ZNF486: variants seen among roughly 807,000 people sequenced by gnomAD.
The protein encoded by ZNF486 is zinc finger protein 486.
Under a neutral mutation model 12.8 loss-of-function variants are expected in ZNF486, and 12 were observed. The observed-to-expected ratio is 0.94, with a 90% CI of 0.60 to 1.52. The LOEUF (loss-of-function observed/expected upper bound fraction) is 1.52. ZNF486 is among the 40% of genes most tolerant of loss of function. ZNF486 has a pLI of 0.00. For synonymous variants in ZNF486, 231 were observed against 184.9 expected, an observed-to-expected ratio of 1.25 and a Z score of -2.02; for missense variants, 738 against 545.0, an observed-to-expected ratio of 1.35 and a Z score of -3.53.
rs575001176 is a variant in ZNF486, at chr19:20,197,791, C to T, written c.1081C>T (p.Arg361Cys). 7.1e-5 allele frequency: 115 copies of T among 1,611,984 alleles called. No homozygotes were observed. The highest frequency in any genetic ancestry group is 5.4e-4 in the African/African-American group (40 of 74,374). Residue 361 changes from arginine to cysteine, a missense_variant, in exon 4 of 4, where the codon CGC (arginine) becomes TGC (cysteine). Physicochemically the swap from Arg to Cys is radical, Grantham distance 180. Transcript: ENST00000335117. Reference protein sequence around the residue: ...KCEECGKAFTRSSHLTMHKII... With the variant: ...KCEECGKAFTCSSHLTMHKII... ...TGAAGAATGTGGCAAAGCCTTCACC[C>T]GCTCCTCACACCTTACTATGCATAA...
At chr19:20,193,617 C>CA (rs1555717504) in intron 3 of ZNF486, among the ~76,000 whole-genome samples, 2 of 152,014 alleles carry the variant, frequency 1.3e-5, no homozygotes, top group East Asian at 3.9e-4. Context: ...GCCAAGGTCA[C>CA]ACCACTGTAC....
At chr19:20,173,905 T>C (rs1444637238) in intron 1 of ZNF486, among the ~76,000 whole-genome samples, 1 of 152,086 alleles carries the variant, frequency 6.6e-6, no homozygotes, top group Non-Finnish European at 1.5e-5. Context: ...TATATAGTTA[T>C]TTTTCTCTGA....
At chr19:20,182,349 T>C (rs1213935777) in intron 1 of ZNF486, among the ~76,000 whole-genome samples, 1 of 152,228 alleles carries the variant, frequency 6.6e-6, no homozygotes, top group African/African-American at 2.4e-5. Context: ...AGGCAATGCT[T>C]AGCTTAGTGA....
intron 1 of ZNF486, among the ~76,000 whole-genome samples, chr19:20,168,484 GTC>G (rs1401016359): frequency 6.6e-6 from 1 of 151,612 alleles, no homozygotes; most frequent in Non-Finnish European, 1.5e-5. Context: ...GAGAAACCCT[GTC>G]TCTATTAAAA....
intron 3 of ZNF486, among the ~76,000 whole-genome samples, chr19:20,187,845 G>T (rs564751940): frequency 6.6e-5 from 10 of 152,036 alleles, no homozygotes; most frequent in Non-Finnish European, 1.5e-4. Flanking sequence ...AAGATCTTTT[G>T]TTGGGCCCTT....
At chr19:20,192,018 A>G (rs922339038) in intron 3 of ZNF486, among the ~76,000 whole-genome samples, 5 of 152,162 alleles carry the variant, frequency 3.3e-5, no homozygotes, top group Non-Finnish European at 7.3e-5. Context: ...ATACATATAG[A>G]TAGATAAATA....
intron 1 of ZNF486, among the ~76,000 whole-genome samples, chr19:20,169,368 C>G (rs1200480643): frequency 1.3e-5 from 2 of 152,162 alleles, no homozygotes; most frequent in Non-Finnish European, 2.9e-5. Flanking sequence ...CTTGGCCTCC[C>G]AAAGTGCTGG....
intron 1 of ZNF486, among the ~76,000 whole-genome samples, chr19:20,170,691 C>G (rs1304329168): frequency 6.6e-6 from 1 of 152,126 alleles, no homozygotes; most frequent in Non-Finnish European, 1.5e-5. Context: ...AAGAGAGCAC[C>G]ATCTAAGTCA....
intron 1 of ZNF486, among the ~76,000 whole-genome samples, chr19:20,169,476 C>G (rs546696928): frequency 6.6e-6 from 1 of 152,238 alleles, no homozygotes; most frequent in Admixed American, 6.5e-5. Context: ...TCCCAGCCTG[C>G]TCACCCCACC....
At chr19:20,173,831 CAA>C (rs541187774) in intron 1 of ZNF486, among the ~76,000 whole-genome samples, 3 of 122,364 alleles carry the variant, frequency 2.5e-5, no homozygotes, top group Non-Finnish European at 3.5e-5. Context: ...GACTCCGTCT[CAA>C]AAAAAAAAAA....
chr19:20,175,331 A>ATTTTTTTTTTTTTTTTTTTTTTTTTTTTT (rs782300626), intron 1 of ZNF486: 25 of 119,852 alleles, frequency 2.1e-4, no homozygotes, highest in Non-Finnish European at 3.2e-4. Flanking sequence ...AGCCCTATTA[A>ATTTTTTTTTTTTTTTTTTTTTTTTTTTTT]TTTTTTTTTT....
intron 2 of ZNF486, 35 bp from the exon 3 acceptor site, chr19:20,185,952 A>G (rs1555716351): frequency 7.3e-7 from 1 of 1,373,432 alleles, no homozygotes; most frequent in Non-Finnish European, 9.7e-7. Flanking sequence ...GAGAAATATA[A>G]GCAAGATTAA....
chr19:20,172,753 C>CCTCA (rs1156937599), intron 1 of ZNF486, among the ~76,000 whole-genome samples: 1 of 151,536 alleles, frequency 6.6e-6, no homozygotes, highest in Non-Finnish European at 1.5e-5. Context: ...GATTCTCCTG[C>CCTCA]CTCAGCCTTC....
At chr19:20,181,219 A>G (rs2089780742) in intron 1 of ZNF486, among the ~76,000 whole-genome samples, 1 of 152,164 alleles carries the variant, frequency 6.6e-6, no homozygotes, top group Non-Finnish European at 1.5e-5. Context: ...TGGTGCTCAC[A>G]ATTCCCTGAA....
chr19:20,191,672 A>C (rs1371035353), intron 3 of ZNF486, among the ~76,000 whole-genome samples: 1 of 151,784 alleles, frequency 6.6e-6, no homozygotes, highest in Admixed American at 6.6e-5. Flanking sequence ...CGGGAGGCTG[A>C]GGCAGGAGAA....
At chr19:20,191,536 C>A (rs1488049693) in intron 3 of ZNF486, among the ~76,000 whole-genome samples, 1 of 143,028 alleles carries the variant, frequency 7.0e-6, no homozygotes, top group East Asian at 2.1e-4. Flanking sequence ...TTGGGAGGCC[C>A]AGGTGGGTGG....
At chr19:20,181,918 G>T (rs886594551) in intron 1 of ZNF486, among the ~76,000 whole-genome samples, 1 of 152,172 alleles carries the variant, frequency 6.6e-6, no homozygotes, top group Non-Finnish European at 1.5e-5. Context: ...AATGTGCTAT[G>T]CCCAGCACAG....
chr19:20,197,121 A>C lies in ZNF486; in HGVS notation c.411A>C (p.Arg137Ser). The C allele has an allele frequency of 1.2e-6, 2 of 1,613,904 alleles. No individual in the cohort carries two copies. The highest frequency in any genetic ancestry group is 2.2e-5 in the South Asian group (2 of 90,956). The part of the protein sequence containing the change: ...ESVDECKLHK[R>S]GYNGLNQCLT... ...TGGATGAGTGTAAGTTACACAAAAGAGGTTATAATGGACTTAACCAATGTT... is the reference window on the plus strand; with the variant it reads ...TGGATGAGTGTAAGTTACACAAAAGCGGTTATAATGGACTTAACCAATGTT... The change falls in exon 4 of 4, where the codon AGA becomes AGC. Residue 137 changes from arginine to serine, a missense_variant. Physicochemically the swap from Arg to Ser is moderately radical, Grantham distance 110. Coordinates refer to ENST00000335117, the MANE Select transcript of ZNF486 (RefSeq NM_052852.4).
In ZNF486 at chr19:20,167,369, G is replaced by T. The variant is rs1555713161; in HGVS notation, c.30+9G>T. ...TTAGAAGCCTAGAAATGGTGAGAGTGCCCATTGGACATCCTGAGAGAGGGG... is the reference window on the plus strand; with the variant it reads ...TTAGAAGCCTAGAAATGGTGAGAGTTCCCATTGGACATCCTGAGAGAGGGG... On this transcript the variant is annotated intron_variant, in intron 1 of 3. Coordinates refer to ENST00000335117, the MANE Select transcript of ZNF486 (RefSeq NM_052852.4). 6.2e-7 allele frequency: 1 copy of T among 1,613,318 alleles called. No individual in the cohort carries two copies. The highest frequency in any genetic ancestry group is 8.5e-7 in the Non-Finnish European group (1 of 1,179,488).
Sources: gnomAD v4.1 joint callset for allele counts (sites outside exome capture counted in the v4.1 genomes callset) on GRCh38, gnomAD v4.1.1 for gene constraint, MANE v1.5 for transcripts, NCBI Gene and HGNC (gene_info 2026-07-23, HGNC 2026-07-21) for gene names.